The following LIN9 variants were observed in gnomAD, a reference collection of about 807,000 sequenced individuals.
The protein encoded by LIN9 is protein lin-9 homolog.
LIN9 carries 18 observed loss-of-function variants against 78.0 expected under a neutral mutation model. The ratio of observed to expected loss-of-function variants is 0.23; its 90% CI spans 0.16 to 0.34. The LOEUF is 0.34. Among genes scored for constraint, LIN9 ranks in the 10% least tolerant of loss-of-function variants. LIN9 has a pLI of 1.00. For missense variants in LIN9, 451 were observed against 644.1 expected (o/e 0.70, Z 3.25); for synonymous variants, 192 against 215.2 (o/e 0.89, Z 0.94).
At chr1:226,244,380 C>T (rs1447415884) in intron 11 of LIN9, among the ~76,000 whole-genome samples, 2 of 151,894 alleles carry the variant, frequency 1.3e-5, no homozygotes, top group Non-Finnish European at 2.9e-5. Flanking sequence ...TGCAGTGAGC[C>T]GAGATCGTGC....
chr1:226,242,305 A>G (rs1332592387), intron 11 of LIN9, among the ~76,000 whole-genome samples: 1 of 152,198 alleles, frequency 6.6e-6, no homozygotes, highest in Non-Finnish European at 1.5e-5. Flanking sequence ...GAATATATGT[A>G]TATTGTTTGG....
At chr1:226,288,219 G>C (rs1661496457) in intron 4 of LIN9, among the ~76,000 whole-genome samples, 3 of 152,126 alleles carry the variant, frequency 2.0e-5, no homozygotes, top group Non-Finnish European at 4.4e-5. Context: ...TAATCTGCCT[G>C]CCTCAGCCTC....
At position 226,267,840 on chromosome 1, in the gene LIN9, A is replaced by T; in HGVS notation, c.816+117T>A. 1.3e-5 allele frequency: 14 copies of T among 1,115,424 alleles called. No homozygotes were observed. The South Asian group carries it at 1.9e-4, about 15-fold the overall frequency. 69.1% of individuals were successfully genotyped at this position (1,115,424 alleles called of 1,614,324 possible). On this transcript the variant is annotated intron_variant, in intron 8 of 14. Coordinates refer to ENST00000681046, the MANE Select transcript of LIN9 (RefSeq NM_001366245.2). ...CAGATAGGGCTGGGGTCCCCTAAGG[A>T]TCTCTTCCTCTGTGAGATAAAGTCT...
intron 1 of LIN9, among the ~76,000 whole-genome samples, chr1:226,305,325 A>G (rs1662839110): frequency 1.3e-5 from 2 of 149,302 alleles, no homozygotes; most frequent in African/African-American, 2.5e-5. Context: ...GAAAAAAAAA[A>G]AAAAAAAAAA....
chr1:226,289,834 C>CG (rs967358215), intron 4 of LIN9, among the ~76,000 whole-genome samples: 1,063 of 11,864 alleles, frequency 0.09, 136 homozygotes, highest in African/African-American at 0.26. Flanking sequence ...AGTAGTCCTC[C>CG]GGGGGGGGGG....
rs770169450 is a variant in LIN9, at chr1:226,258,894, C to CAAAAAAAAA, written c.1038+6630_1038+6638dup. ...GTGACAGAGCAAGACTCTGTCTCAA[C>CAAAAAAAAA]AAAAAAAAAAAAAAAAAAAAAAAAA... is the stretch of plus-strand genomic sequence containing the variant. On this transcript the variant is annotated intron_variant, in intron 10 of 14. Coordinates refer to ENST00000681046, the MANE Select transcript of LIN9 (RefSeq NM_001366245.2). 3.8e-4 allele frequency among the ~76,000 whole-genome samples: 21 copies of CAAAAAAAAA among 54,778 alleles called. 2 individuals carry two copies. The highest frequency in any genetic ancestry group is 1.3e-3 in the African/African-American group (17 of 12,760). 35.9% of individuals were successfully genotyped at this position (54,778 alleles called of 152,430 possible). A position where few individuals can be genotyped will look rare whatever the true frequency, so the allele number is the denominator to read the frequency against.
intron 4 of LIN9, among the ~76,000 whole-genome samples, chr1:226,295,391 G>A (rs1487153838): frequency 6.6e-6 from 1 of 152,048 alleles, no homozygotes; most frequent in Non-Finnish European, 1.5e-5. Flanking sequence ...AAAAGTAGCA[G>A]TAAGCCGAGA....
intron 1 of LIN9, among the ~76,000 whole-genome samples, chr1:226,307,660 T>C (rs1004029091): frequency 9.2e-5 from 14 of 152,096 alleles, no homozygotes; most frequent in African/African-American, 3.4e-4. Context: ...ATAAAATAAA[T>C]CACAATCAAT....
intron 12 of LIN9, among the ~76,000 whole-genome samples, chr1:226,236,604 C>T (rs1448417314): frequency 5.9e-5 from 9 of 152,060 alleles, no homozygotes; most frequent in Admixed American, 4.6e-4. Flanking sequence ...TACAGGCGCC[C>T]GCCACCACGC....
At chr1:226,235,730 T>C (rs1036815892) in intron 12 of LIN9, among the ~76,000 whole-genome samples, 2 of 152,230 alleles carry the variant, frequency 1.3e-5, no homozygotes, top group East Asian at 3.8e-4. Flanking sequence ...TGTCACTCCT[T>C]TGAAATATAG....
At chr1:226,240,536 G>A (rs528668144) in intron 11 of LIN9, among the ~76,000 whole-genome samples, 2 of 152,146 alleles carry the variant, frequency 1.3e-5, no homozygotes, top group Admixed American at 6.5e-5. Context: ...CTACAGGTGC[G>A]TGCCATCACA....
At chr1:226,291,150 G>A (rs1661766840) in intron 4 of LIN9, among the ~76,000 whole-genome samples, 1 of 152,128 alleles carries the variant, frequency 6.6e-6, no homozygotes, top group African/African-American at 2.4e-5. Flanking sequence ...TTAGGCATCT[G>A]TCCTAGAAAA....
intron 7 of LIN9, among the ~76,000 whole-genome samples, chr1:226,275,705 A>AAAAAAAAG (rs1399764751): frequency 1.4e-5 from 2 of 144,896 alleles, no homozygotes; most frequent in African/African-American, 5.1e-5. Flanking sequence ...AAAAAAAAAA[A>AAAAAAAAG]AAAAAAAGAA....
chr1:226,252,303 A>AATAC (rs1658885038), intron 10 of LIN9, among the ~76,000 whole-genome samples: 1 of 149,784 alleles, frequency 6.7e-6, no homozygotes. Flanking sequence ...TAAATAAATA[A>AATAC]ATAAATAAAT....
At chr1:226,236,993 CT>C (rs1481299297) in intron 12 of LIN9, among the ~76,000 whole-genome samples, 2 of 152,064 alleles carry the variant, frequency 1.3e-5, no homozygotes, top group African/African-American at 4.8e-5. Flanking sequence ...GTTGATGTAT[CT>C]TTTTGGTATA....
intron 11 of LIN9, among the ~76,000 whole-genome samples, chr1:226,245,789 G>T (rs768278110): frequency 4.5e-4 from 68 of 151,992 alleles, no homozygotes; most frequent in Non-Finnish European, 7.6e-4. Flanking sequence ...CTAGAAACGG[G>T]GTTTGGCTAT....
intron 6 of LIN9, among the ~76,000 whole-genome samples, chr1:226,278,414 AGT>A (rs1315289954): frequency 6.6e-6 from 1 of 150,754 alleles, no homozygotes; most frequent in African/African-American, 2.4e-5. Flanking sequence ...GGGCGACAAG[AGT>A]GAGACTCCAT....
chr1:226,277,659 A>C, intron 7 of LIN9, 116 bp downstream of exon 7: 1 of 907,088 alleles, frequency 1.1e-6, no homozygotes. Flanking sequence ...AACGATGTCT[A>C]TTGTAAATAT....
intron 4 of LIN9, among the ~76,000 whole-genome samples, chr1:226,292,944 T>C (rs1357939951): frequency 6.6e-6 from 1 of 152,218 alleles, no homozygotes; most frequent in Non-Finnish European, 1.5e-5. Flanking sequence ...AACAGTAACC[T>C]ATCTCATAGG....
Sources: gnomAD v4.1 joint callset for allele counts (sites outside exome capture counted in the v4.1 genomes callset) on GRCh38, gnomAD v4.1.1 for gene constraint, MANE v1.5 for transcripts, NCBI Gene and HGNC (gene_info 2026-07-23, HGNC 2026-07-21) for gene names.